The following BARD1 variants were observed in gnomAD, a reference collection of about 807,000 sequenced individuals.
BARD1 encodes BRCA1 associated RING domain 1, also known as BRCA1-associated RING domain protein 1.
In BARD1, 73 loss-of-function variants were observed where a neutral mutation model predicts 77.0. That is an observed-to-expected ratio of 0.95 (90% CI 0.79 to 1.15). The LOEUF is 1.15. Among genes scored for constraint, BARD1 ranks in the 50% most tolerant of loss-of-function variants. The pLI is 0.00. For missense variants in BARD1, 993 were observed against 938.8 expected (o/e 1.06, Z -0.75); for synonymous variants, 384 against 338.0 (o/e 1.14, Z -1.49).
intron 9 of BARD1, among the ~76,000 whole-genome samples, chr2:214,741,191 G>A (rs957581101): frequency 2.6e-5 from 4 of 152,004 alleles, no homozygotes; most frequent in Admixed American, 1.3e-4. Context: ...CATTCCTTCA[G>A]TAATTCCCTT....
intron 1 of BARD1, among the ~76,000 whole-genome samples, chr2:214,800,957 A>G (rs571158238): frequency 6.6e-6 from 1 of 152,300 alleles, no homozygotes; most frequent in Middle Eastern, 3.4e-3. Flanking sequence ...TAGGAAGTTA[A>G]TAACATCTAA....
intron 1 of BARD1, among the ~76,000 whole-genome samples, chr2:214,798,167 TAATA>T (rs1417065103): frequency 6.6e-6 from 1 of 152,138 alleles, no homozygotes; most frequent in African/African-American, 2.4e-5. Flanking sequence ...CTGCACATCT[TAATA>T]GATATGAACA....
intron 4 of BARD1, among the ~76,000 whole-genome samples, chr2:214,774,264 T>A (rs948459676): frequency 3.3e-5 from 5 of 152,180 alleles, no homozygotes; most frequent in Admixed American, 1.3e-4. Context: ...CATCCTCCCA[T>A]GAATCATCAA....
intron 3 of BARD1, among the ~76,000 whole-genome samples, chr2:214,785,037 AAAG>A: frequency 6.7e-6 from 1 of 149,460 alleles, no homozygotes; most frequent in African/African-American, 2.5e-5. Flanking sequence ...AAAAAAAAAG[AAAG>A]AAAGCCATTT....
At chr2:214,754,262 C>T (rs1693592996) in intron 6 of BARD1, among the ~76,000 whole-genome samples, 4 of 150,410 alleles carry the variant, frequency 2.7e-5, no homozygotes. Flanking sequence ...TATATGCCAT[C>T]CAAAAAAAAA....
intron 7 of BARD1, among the ~76,000 whole-genome samples, chr2:214,750,254 C>T (rs1693343582): frequency 6.6e-5 from 10 of 152,112 alleles, no homozygotes; most frequent in Admixed American, 6.6e-4. Context: ...CTACTGCAGC[C>T]TCCCAATCAG....
intron 1 of BARD1, among the ~76,000 whole-genome samples, chr2:214,801,034 T>TA (rs1021097807): frequency 1.3e-5 from 2 of 151,882 alleles, no homozygotes; most frequent in African/African-American, 2.4e-5. Context: ...CTTGTAAAAC[T>TA]AAAAAAAAGA....
At position 214,727,269 on chromosome 2, in the gene BARD1, C is replaced by T. The variant is rs115753442; in HGVS notation, c.*1407G>A. ...TGTGTTTTCAAATGATAAACAGAAT[C>T]TCAAACTTTCAAGTAAGTGCATCTT... On this transcript the variant is annotated 3_prime_UTR_variant, in exon 11 of 11. Coordinates refer to ENST00000260947, the MANE Select transcript of BARD1 (RefSeq NM_000465.4). 2.8e-3 allele frequency: 650 copies of T among 230,080 alleles called. 5 individuals carry two copies. The highest frequency in any genetic ancestry group is 0.013 in the African/African-American group (591 of 45,278). 14.3% of individuals were successfully genotyped at this position (230,080 alleles called of 1,614,324 possible). A position where few individuals can be genotyped will look rare whatever the true frequency, so the allele number is the denominator to read the frequency against.
rs1216095030 is a variant in BARD1 at position 214,751,117 on chromosome 2, G to GTATATATATA, written c.1677+1320_1677+1329dup. Among the ~76,000 whole-genome samples the GTATATATATA allele has an allele frequency of 3.7e-4, 6 of 16,290 alleles. 1 individual carries two copies. Among genetic ancestry groups the GTATATATATA allele is most frequent in the Non-Finnish European group, 1.4e-4 (1 of 7,266 alleles). The allele number at this position is 16,290 out of a possible 152,430, so 10.7% of individuals were successfully genotyped here. On this transcript the variant is annotated intron_variant, in intron 7 of 10. Transcript: ENST00000260947. ...TGTGTGTGTGTGTGTGTGTGTGTGTGTATATATATATATATATATATATAT... is the reference window on the plus strand; with the variant it reads ...TGTGTGTGTGTGTGTGTGTGTGTGTGTATATATATATATATATATATATATATATATATAT...
chr2:214,736,389 A>C (rs540418498), intron 9 of BARD1, among the ~76,000 whole-genome samples: 2 of 152,094 alleles, frequency 1.3e-5, no homozygotes, highest in Non-Finnish European at 2.9e-5. Context: ...TTACGTAAGC[A>C]GGTATTCCCC....
chr2:214,792,212 A>G (rs779808646), intron 3 of BARD1, 85 bp downstream of exon 3: 2 of 1,285,884 alleles, frequency 1.6e-6, no homozygotes, highest in Non-Finnish European at 2.2e-6. Context: ...AGAACTCCAG[A>G]TAGATGTTTT....
intron 1 of BARD1, among the ~76,000 whole-genome samples, chr2:214,798,092 T>C (rs1321191581): frequency 6.6e-6 from 1 of 152,160 alleles, no homozygotes. Context: ...AAATTACCTC[T>C]GTACACATAC....
chr2:214,766,677 T>C (rs573368939), intron 6 of BARD1, among the ~76,000 whole-genome samples: 2 of 152,346 alleles, frequency 1.3e-5, no homozygotes, highest in African/African-American at 4.8e-5. Context: ...TAGTATTTAC[T>C]TGTAAACTAC....
Position 214,780,544 on chromosome 2 carries a change from A to G in BARD1, c.1314+16T>C. Reference sequence around the variant, plus strand: ...TGGCCTCATTCTGAGATGGTATTTCAGAGTAAGCATCCTACCTTAATAGAA... The same window carrying G: ...TGGCCTCATTCTGAGATGGTATTTCGGAGTAAGCATCCTACCTTAATAGAA... On this transcript the variant is annotated intron_variant, in intron 4 of 10. Transcript: ENST00000260947. The G allele has an allele frequency of 6.2e-7, 1 of 1,608,076 alleles. No homozygotes were observed. Among genetic ancestry groups the G allele is most frequent in the Non-Finnish European group, 8.5e-7 (1 of 1,174,768 alleles).
chr2:214,766,739 A>C (rs1694215500), intron 6 of BARD1, among the ~76,000 whole-genome samples: 1 of 152,198 alleles, frequency 6.6e-6, no homozygotes, highest in Admixed American at 6.5e-5. Context: ...GTAATACCTA[A>C]TAGTATGAAA....
At chr2:214,744,094 G>A (rs1692982476) in intron 9 of BARD1, among the ~76,000 whole-genome samples, 1 of 152,158 alleles carries the variant, frequency 6.6e-6, no homozygotes, top group South Asian at 2.1e-4. Flanking sequence ...TAACTATTAA[G>A]GAGTAGAAAA....
At position 214,792,316 on chromosome 2, in the gene BARD1, T is replaced by C. The variant is rs771012953; in HGVS notation, c.345A>G (p.Leu115=). 2.5e-6 allele frequency: 4 copies of C among 1,613,556 alleles called. No individual in the cohort carries two copies. The highest frequency in any genetic ancestry group is 2.5e-6 in the Non-Finnish European group (3 of 1,179,726). ...TCTTACCTGACAGCTCATTGTCATG[T>C]AGCAAATTTCGAAGCTTACTACAAA... is the stretch of plus-strand genomic sequence containing the variant. ...IQLCSKLRNL[L]HDNELSDLKE... Residue 115 remains leucine, a synonymous_variant, in exon 3 of 11, where the codon CTA becomes CTG. Coordinates refer to ENST00000260947, the MANE Select transcript of BARD1 (RefSeq NM_000465.4).
chr2:214,769,603 T>C (rs750729814), intron 4 of BARD1, among the ~76,000 whole-genome samples: 1 of 152,032 alleles, frequency 6.6e-6, no homozygotes, highest in Non-Finnish European at 1.5e-5. Context: ...TAGTCGGGCA[T>C]GGTGGTGCCA....
chr2:214,767,624 C>T lies in BARD1; in HGVS notation c.1426G>A (p.Val476Ile). 6.2e-7 allele frequency: 1 copy of T among 1,614,010 alleles called. No individual in the cohort carries two copies. Among genetic ancestry groups the T allele is most frequent in the Non-Finnish European group, 8.5e-7 (1 of 1,179,954 alleles). The change falls in exon 6 of 11, where the codon GTA becomes ATA. Residue 476 changes from valine (V) to isoleucine (I), a missense_variant. By Grantham distance (29) the Val-to-Ile change is conservative. Transcript: ENST00000260947. ...HEACNHGHLKVVELLLQHKAL... is the reference protein window; with the variant it reads ...HEACNHGHLKIVELLLQHKAL... ...TTATGCTGGAGCAATAATTCCACTA[C>T]CTTCAGGTGCCCATGATTGCAAGCT...
Sources: gnomAD v4.1 joint callset for allele counts (sites outside exome capture counted in the v4.1 genomes callset) on GRCh38, gnomAD v4.1.1 for gene constraint, MANE v1.5 for transcripts, NCBI Gene and HGNC (gene_info 2026-07-23, HGNC 2026-07-21) for gene names.